Variants in SMYD3 observed in about 807,000 individuals in gnomAD.
SMYD3 encodes the protein SET and MYND domain containing 3.
SMYD3 carries 36 observed loss-of-function variants against 57.7 expected under a neutral mutation model. The ratio of observed to expected loss-of-function variants is 0.62; its 90% CI spans 0.48 to 0.82. SMYD3 has a LOEUF of 0.82. Ranked by LOEUF, SMYD3 falls within the 40% of genes least tolerant of loss-of-function variation. The probability of loss-of-function intolerance (pLI) is 0.00; values close to 1 mark genes in which losing one functional copy is unlikely to be tolerated. For missense variants in SMYD3, 515 were observed against 538.8 expected (o/e 0.96, Z 0.44); for synonymous variants, 211 against 195.0 (o/e 1.08, Z -0.68).
At chr1:245,798,268 C>G (rs1293981667) in intron 10 of SMYD3, among the ~76,000 whole-genome samples, 1 of 151,712 alleles carries the variant, frequency 6.6e-6, no homozygotes, top group Middle Eastern at 3.4e-3. Flanking sequence ...CCCTGAGCCC[C>G]TTCCCTACCC....
intron 11 of SMYD3, among the ~76,000 whole-genome samples, chr1:245,762,558 C>A (rs935540784): frequency 6.6e-6 from 1 of 152,132 alleles, no homozygotes; most frequent in African/African-American, 2.4e-5. Context: ...ACAGACGGTG[C>A]GGTGTTCTTC....
intron 5 of SMYD3, among the ~76,000 whole-genome samples, chr1:246,151,633 T>A (rs2061942512): frequency 6.6e-6 from 1 of 152,212 alleles, no homozygotes; most frequent in South Asian, 2.1e-4. Flanking sequence ...TCCACAGTCC[T>A]CACTCCACCA....
Position 246,115,714 on chromosome 1 carries a change from G to A in SMYD3, c.532-185777C>T, listed in dbSNP as rs151289673. 1.2e-3 allele frequency among the ~76,000 whole-genome samples: 185 copies of A among 152,286 alleles called. 1 individual carries two copies. Among genetic ancestry groups the A allele is most frequent in the African/African-American group, 4.3e-3 (179 of 41,564 alleles). On this transcript the variant is annotated intron_variant, in intron 5 of 11. Coordinates refer to ENST00000490107, the MANE Select transcript of SMYD3 (RefSeq NM_001167740.2). The stretch of plus-strand genomic sequence containing the variant: ...ATGACAGAAAAGAAAAACATTTCTT[G>A]AAGAAATCAGACATATTACTTTTAT...
At chr1:246,447,444 G>A (rs1249146000) in intron 1 of SMYD3, among the ~76,000 whole-genome samples, 1 of 152,196 alleles carries the variant, frequency 6.6e-6, no homozygotes, top group African/African-American at 2.4e-5. Flanking sequence ...ATGACAAGAT[G>A]AAAATACTGA....
At chr1:246,393,701 AT>A (rs34201699) in intron 1 of SMYD3, among the ~76,000 whole-genome samples, 2 of 119,616 alleles carry the variant, frequency 1.7e-5, no homozygotes, top group African/African-American at 3.1e-5. Context: ...AAAAAAAAAA[AT>A]TTAATTAGCC....
intron 11 of SMYD3, among the ~76,000 whole-genome samples, chr1:245,752,797 T>G (rs2045445909): frequency 6.6e-6 from 1 of 152,152 alleles, no homozygotes; most frequent in Non-Finnish European, 1.5e-5. Flanking sequence ...CCTGCTTCCT[T>G]GAGGAAAGAC....
chr1:246,303,058 A>C (rs1180054970), intron 5 of SMYD3, among the ~76,000 whole-genome samples: 2 of 152,216 alleles, frequency 1.3e-5, no homozygotes, highest in Non-Finnish European at 2.9e-5. Flanking sequence ...TACAGCACTG[A>C]GCTCCTAACA....
At chr1:246,371,269 C>T (rs766886149) in intron 1 of SMYD3, among the ~76,000 whole-genome samples, 4 of 152,136 alleles carry the variant, frequency 2.6e-5, no homozygotes, top group Admixed American at 6.5e-5. Context: ...AATTAAGAAT[C>T]GGTATTAAAA....
At chr1:246,427,869 T>G (rs2067244772) in intron 1 of SMYD3, among the ~76,000 whole-genome samples, 1 of 152,030 alleles carries the variant, frequency 6.6e-6, no homozygotes, top group African/African-American at 2.4e-5. Flanking sequence ...AAAAAAAAAG[T>G]AAAGCAGAAG....
At chr1:245,808,934 T>C (rs1195097790) in intron 10 of SMYD3, among the ~76,000 whole-genome samples, 1 of 152,070 alleles carries the variant, frequency 6.6e-6, no homozygotes, top group Non-Finnish European at 1.5e-5. Flanking sequence ...GGCTAATGTT[T>C]GTATTTTTAG....
At chr1:246,254,544 T>C (rs1039103070) in intron 5 of SMYD3, among the ~76,000 whole-genome samples, 9 of 152,236 alleles carry the variant, frequency 5.9e-5, no homozygotes, top group East Asian at 1.9e-4. Context: ...TGTACCCTTA[T>C]AGTATAGTTT....
At chr1:245,947,731 A>C (rs537923617) in intron 5 of SMYD3, among the ~76,000 whole-genome samples, 1 of 152,228 alleles carries the variant, frequency 6.6e-6, no homozygotes, top group Non-Finnish European at 1.5e-5. Flanking sequence ...AGTTCGATCA[A>C]CTGTAAGACC....
chr1:245,973,374 C>T (rs974752004), intron 5 of SMYD3, among the ~76,000 whole-genome samples: 2 of 152,134 alleles, frequency 1.3e-5, no homozygotes, highest in African/African-American at 4.8e-5. Flanking sequence ...AGGGTGTTCA[C>T]CCAATCTGCA....
chr1:246,167,043 C>T (rs191756683), intron 5 of SMYD3, among the ~76,000 whole-genome samples: 13 of 152,256 alleles, frequency 8.5e-5, no homozygotes, highest in Non-Finnish European at 1.3e-4. Flanking sequence ...GAGCATGTGG[C>T]GTCTTGTGTC....
intron 5 of SMYD3, among the ~76,000 whole-genome samples, chr1:246,182,321 TC>T (rs888968089): frequency 2.6e-5 from 4 of 152,092 alleles, no homozygotes; most frequent in Non-Finnish European, 5.9e-5. Flanking sequence ...CACTTAATCT[TC>T]CCATCTCTCG....
At chr1:245,755,591 C>T (rs2045571310) in intron 11 of SMYD3, among the ~76,000 whole-genome samples, 1 of 152,120 alleles carries the variant, frequency 6.6e-6, no homozygotes, top group African/African-American at 2.4e-5. Flanking sequence ...ATATTTAGTA[C>T]TACTATGTCT....
At chr1:246,070,612 C>T (rs1452534970) in intron 5 of SMYD3, among the ~76,000 whole-genome samples, 1 of 152,182 alleles carries the variant, frequency 6.6e-6, no homozygotes, top group African/African-American at 2.4e-5. Context: ...AGAGGTGAAG[C>T]ACCGACCTGA....
intron 5 of SMYD3, among the ~76,000 whole-genome samples, chr1:246,212,824 G>A (rs1161005203): frequency 6.6e-6 from 1 of 152,074 alleles, no homozygotes; most frequent in Non-Finnish European, 1.5e-5. Context: ...TAAAATTTAA[G>A]TTAATCTAAA....
intron 5 of SMYD3, among the ~76,000 whole-genome samples, chr1:246,263,470 A>G (rs1358338346): frequency 6.6e-6 from 1 of 152,198 alleles, no homozygotes; most frequent in Middle Eastern, 3.2e-3. Flanking sequence ...AGACTACATA[A>G]TGATCACCTT....
Sources: gnomAD v4.1 joint callset for allele counts (sites outside exome capture counted in the v4.1 genomes callset) on GRCh38, gnomAD v4.1.1 for gene constraint, MANE v1.5 for transcripts, NCBI Gene and HGNC (gene_info 2026-07-23, HGNC 2026-07-21) for gene names.